Variants in ST6GALNAC3 observed in about 807,000 individuals in gnomAD.
ST6GALNAC3 encodes the protein alpha-N-acetylgalactosaminide alpha-2,6-sialyltransferase 3.
A neutral mutation model predicts 32.7 loss-of-function variants in ST6GALNAC3; 25 were observed. The ratio of observed to expected loss-of-function variants is 0.76; its 90% CI spans 0.56 to 1.07. ST6GALNAC3 has a LOEUF of 1.07. ST6GALNAC3 is among the 50% of genes least tolerant of loss of function. The pLI is 0.00. For missense variants in ST6GALNAC3, 355 were observed against 382.4 expected, an observed-to-expected ratio of 0.93 and a Z score of 0.60; for synonymous variants, 129 against 133.1, an observed-to-expected ratio of 0.97 and a Z score of 0.21.
At chr1:76,259,985 T>C (rs1239866786) in intron 1 of ST6GALNAC3, among the ~76,000 whole-genome samples, 1 of 152,036 alleles carries the variant, frequency 6.6e-6, no homozygotes, top group Non-Finnish European at 1.5e-5. Flanking sequence ...TAGTTTTGCT[T>C]TCTTCTTCTT....
intron 1 of ST6GALNAC3, among the ~76,000 whole-genome samples, chr1:76,139,359 TATAAAC>T (rs1226865889): frequency 1.3e-5 from 2 of 152,136 alleles, no homozygotes; most frequent in African/African-American, 2.4e-5. Context: ...CAAATATACA[TATAAAC>T]ATATACACAT....
intron 2 of ST6GALNAC3, among the ~76,000 whole-genome samples, chr1:76,358,344 A>G (rs1649658875): frequency 6.6e-6 from 1 of 152,216 alleles, no homozygotes; most frequent in African/African-American, 2.4e-5. Flanking sequence ...CAACATGTAC[A>G]TATGGAACTC....
At chr1:76,502,380 C>T (rs1000475288) in intron 3 of ST6GALNAC3, among the ~76,000 whole-genome samples, 1 of 152,192 alleles carries the variant, frequency 6.6e-6, no homozygotes, top group South Asian at 2.1e-4. Context: ...AGACCACAAA[C>T]TGGGTGCCTG....
intron 1 of ST6GALNAC3, among the ~76,000 whole-genome samples, chr1:76,097,405 T>C (rs1283659030): frequency 6.6e-6 from 1 of 152,164 alleles, no homozygotes; most frequent in Non-Finnish European, 1.5e-5. Context: ...TGAGATCTTA[T>C]GATTTTATAA....
At chr1:76,428,004 C>T (rs1655510455) in intron 3 of ST6GALNAC3, among the ~76,000 whole-genome samples, 1 of 152,094 alleles carries the variant, frequency 6.6e-6, no homozygotes, top group African/African-American at 2.4e-5. Flanking sequence ...TCTGTTTATT[C>T]TCAGAGTTAG....
At chr1:76,151,297 G>C (rs1342293559) in intron 1 of ST6GALNAC3, among the ~76,000 whole-genome samples, 9 of 152,258 alleles carry the variant, frequency 5.9e-5, no homozygotes, top group African/African-American at 2.2e-4. Context: ...GTTAAAACTA[G>C]GCTTTGTCAC....
At chr1:76,581,253 C>G (rs1304488216) in intron 3 of ST6GALNAC3, among the ~76,000 whole-genome samples, 2 of 152,052 alleles carry the variant, frequency 1.3e-5, no homozygotes, top group Non-Finnish European at 2.9e-5. Flanking sequence ...CTTTTTAAAG[C>G]CTTGTTTTTT....
intron 1 of ST6GALNAC3, among the ~76,000 whole-genome samples, chr1:76,105,378 A>G (rs158620): frequency 1.3e-5 from 2 of 152,056 alleles, no homozygotes; most frequent in Non-Finnish European, 2.9e-5. Flanking sequence ...GTGCCCCTAG[A>G]TGATTTCAGT....
At chr1:76,220,319 T>C (rs1570477692) in intron 1 of ST6GALNAC3, among the ~76,000 whole-genome samples, 1 of 152,238 alleles carries the variant, frequency 6.6e-6, no homozygotes, top group Admixed American at 6.5e-5. Context: ...TTAAGGAAGA[T>C]ATGTGTATTA....
At chr1:76,308,745 A>G (rs1661219214) in intron 1 of ST6GALNAC3, among the ~76,000 whole-genome samples, 1 of 152,210 alleles carries the variant, frequency 6.6e-6, no homozygotes, top group South Asian at 2.1e-4. Flanking sequence ...AGTGATTGAT[A>G]CATTTTTACT....
At position 76,536,623 on chromosome 1, in the gene ST6GALNAC3, G is replaced by A. The variant is rs547920673; in HGVS notation, c.624-90829G>A. ...GATGAGATTTGGGTGGGGACACAGA[G>A]CCAGACCATATCACATGGTGAAATG... On this transcript the variant is annotated intron_variant, in intron 3 of 4. Coordinates refer to ENST00000328299, the MANE Select transcript of ST6GALNAC3 (RefSeq NM_152996.4). Among the ~76,000 whole-genome samples, 6 of 119,742 alleles carry A rather than the reference G, an allele frequency of 5.0e-5. No individual in the cohort carries two copies. In the East Asian group the frequency reaches 1.1e-3, roughly 22 times the overall value. 78.6% of individuals were successfully genotyped at this position (119,742 alleles called of 152,430 possible).
intron 2 of ST6GALNAC3, among the ~76,000 whole-genome samples, chr1:76,344,140 T>C (rs908546541): frequency 6.6e-6 from 1 of 152,248 alleles, no homozygotes; most frequent in African/African-American, 2.4e-5. Flanking sequence ...GCTAGAGTTA[T>C]GACTGACAGG....
Position 76,628,956 on chromosome 1 carries a change from C to G in ST6GALNAC3, c.*150C>G, listed in dbSNP as rs570099807. 2.0e-3 allele frequency: 2,845 copies of G among 1,440,040 alleles called. 7 individuals carry two copies. The highest frequency in any genetic ancestry group is 2.3e-3 in the Non-Finnish European group (2,581 of 1,106,412). The allele number at this position is 1,440,040 out of a possible 1,614,324, so 89.2% of individuals were successfully genotyped here. A position where few individuals can be genotyped will look rare whatever the true frequency, so the allele number is the denominator to read the frequency against. ...ACACTCTCAGATGTGGATGGTGACT[C>G]TGCTAGTAATTTAAACTTGGCATTT... On this transcript the variant is annotated 3_prime_UTR_variant, in exon 5 of 5. Transcript: ENST00000328299.
At chr1:76,100,184 T>TAA (rs1230176546) in intron 1 of ST6GALNAC3, among the ~76,000 whole-genome samples, 1 of 152,164 alleles carries the variant, frequency 6.6e-6, no homozygotes, top group Non-Finnish European at 1.5e-5. Flanking sequence ...TATCATTTGC[T>TAA]AAAAATGGCA....
chr1:76,218,980 G>A (rs1655622959), intron 1 of ST6GALNAC3, among the ~76,000 whole-genome samples: 1 of 152,176 alleles, frequency 6.6e-6, no homozygotes, highest in South Asian at 2.1e-4. Context: ...AGTGTAGGTA[G>A]TATTATCCCC....
At chr1:76,166,264 C>T (rs147994346) in intron 1 of ST6GALNAC3, among the ~76,000 whole-genome samples, 22 of 152,244 alleles carry the variant, frequency 1.4e-4, no homozygotes, top group Non-Finnish European at 2.5e-4. Flanking sequence ...AATAGGGAAT[C>T]CTTTCCCCAT....
chr1:76,538,277 T>C (rs1213029640), intron 3 of ST6GALNAC3, among the ~76,000 whole-genome samples: 1 of 152,168 alleles, frequency 6.6e-6, no homozygotes, highest in Non-Finnish European at 1.5e-5. Flanking sequence ...ACCACATTAT[T>C]ATCTCAATAG....
chr1:76,362,741 A>G (rs996268183), intron 2 of ST6GALNAC3, among the ~76,000 whole-genome samples: 2 of 152,240 alleles, frequency 1.3e-5, no homozygotes, highest in Non-Finnish European at 2.9e-5. Flanking sequence ...CTTTGACTCC[A>G]TGTCTCACAT....
rs548552752 is a variant in ST6GALNAC3 at position 76,366,065 on chromosome 1, C to CT, written c.214-45935dup. ...TTTCTTTGTTTACTTTAGATGATTT[C>CT]TTTTTTTTAAAGACTGAGTTCTTGA... On this transcript the variant is annotated intron_variant, in intron 2 of 4. Coordinates refer to ENST00000328299, the MANE Select transcript of ST6GALNAC3 (RefSeq NM_152996.4). Among the ~76,000 whole-genome samples the CT allele has an allele frequency of 7.4e-4, 112 of 152,052 alleles. No homozygotes were observed. The Middle Eastern group carries it at 0.017, about 23-fold the overall frequency.
Sources: gnomAD v4.1 joint callset for allele counts (sites outside exome capture counted in the v4.1 genomes callset) on GRCh38, gnomAD v4.1.1 for gene constraint, MANE v1.5 for transcripts, NCBI Gene and HGNC (gene_info 2026-07-23, HGNC 2026-07-21) for gene names.